Variants in GRIK4 observed in about 807,000 individuals in gnomAD.
GRIK4 encodes the protein glutamate receptor ionotropic, kainate 4.
A neutral mutation model predicts 104.9 loss-of-function variants in GRIK4; 40 were observed. That is an observed-to-expected ratio of 0.38 (90% CI 0.30 to 0.50). GRIK4 has a LOEUF of 0.50. GRIK4 is among the 20% of genes least tolerant of loss of function. GRIK4 has a pLI of 0.93. For missense variants in GRIK4, 1,047 were observed against 1,308.1 expected (o/e 0.80, Z 3.08); for synonymous variants, 485 against 524.9 (o/e 0.92, Z 1.04).
In GRIK4 at chr11:120,527,430, C is replaced by T. The variant is rs115322191; in HGVS notation, c.-159+15543C>T. Among the ~76,000 whole-genome samples the T allele has an allele frequency of 6.0e-3, 920 of 152,258 alleles. 10 individuals carry two copies. Among genetic ancestry groups the T allele is most frequent in the African/African-American group, 0.021 (873 of 41,554 alleles). The stretch of plus-strand genomic sequence containing the variant: ...AAAACCCCTCAGGGCAGACCCCTGC[C>T]GGTGAGAGAGGGAGCATGGCAATGC... On this transcript the variant is annotated intron_variant, in intron 1 of 20. Transcript: ENST00000527524.
chr11:120,578,659 C>T (rs548290534), intron 1 of GRIK4, among the ~76,000 whole-genome samples: 9 of 152,310 alleles, frequency 5.9e-5, no homozygotes, highest in Admixed American at 3.3e-4. Context: ...AATTGGATTC[C>T]GAATCCCAAC....
intron 3 of GRIK4, among the ~76,000 whole-genome samples, chr11:120,797,433 T>C (rs988084673): frequency 3.3e-5 from 5 of 152,282 alleles, no homozygotes; most frequent in African/African-American, 1.2e-4. Context: ...TCTCCTTCAT[T>C]CATCTGGTCT....
intron 19 of GRIK4, among the ~76,000 whole-genome samples, chr11:120,968,168 T>C (rs1944416397): frequency 6.6e-6 from 1 of 152,168 alleles, no homozygotes; most frequent in Non-Finnish European, 1.5e-5. Flanking sequence ...CTTACTGAGA[T>C]GTATGGCTAA....
chr11:120,636,462 A>G (rs551815710), intron 1 of GRIK4, among the ~76,000 whole-genome samples: 4 of 152,346 alleles, frequency 2.6e-5, no homozygotes, highest in Non-Finnish European at 5.9e-5. Flanking sequence ...AGTTTTGCCC[A>G]GGGCTTCTCT....
intron 5 of GRIK4, among the ~76,000 whole-genome samples, chr11:120,817,228 A>G (rs1213429647): frequency 6.6e-6 from 1 of 151,624 alleles, no homozygotes; most frequent in Non-Finnish European, 1.5e-5. Flanking sequence ...TTTGGGGTTC[A>G]GTGGCTATTT....
intron 1 of GRIK4, among the ~76,000 whole-genome samples, chr11:120,603,936 C>T (rs1041548809): frequency 1.5e-4 from 22 of 151,532 alleles, no homozygotes; most frequent in African/African-American, 5.1e-4. Flanking sequence ...TTTGGGAGGC[C>T]GAGGAAGGCG....
intron 2 of GRIK4, among the ~76,000 whole-genome samples, chr11:120,659,798 G>A (rs898331673): frequency 2.0e-5 from 3 of 152,188 alleles, no homozygotes; most frequent in African/African-American, 4.8e-5. Context: ...GGCGAATAGC[G>A]CAACCTCGGC....
intron 3 of GRIK4, among the ~76,000 whole-genome samples, chr11:120,708,927 C>T (rs1452968672): frequency 6.6e-6 from 1 of 152,028 alleles, no homozygotes; most frequent in Non-Finnish European, 1.5e-5. Context: ...TTTCGATGGG[C>T]CAGAGCATAA....
In GRIK4 at chr11:120,940,573, AT is replaced by A. The variant is rs1216008131; in HGVS notation, c.1590+114del. Reference sequence around the variant, plus strand: ...GAAATATTTAGATTTCAAGACTTAAATGCAAATGTGCTGGGCTATTTTTTCT... The same window carrying A: ...GAAATATTTAGATTTCAAGACTTAAAGCAAATGTGCTGGGCTATTTTTTCT... On this transcript the variant is annotated intron_variant, in intron 14 of 20. Coordinates refer to ENST00000527524, the MANE Select transcript of GRIK4 (RefSeq NM_014619.5). This position sits in a 1 kb window ranked among gnomAD's most constrained non-coding sequence, Gnocchi z 4.3. 3.0e-6 allele frequency: 2 copies of A among 674,168 alleles called. No individual in the cohort carries two copies. Among genetic ancestry groups the A allele is most frequent in the Non-Finnish European group, 5.1e-6 (2 of 395,554 alleles). 41.8% of individuals were successfully genotyped at this position (674,168 alleles called of 1,614,324 possible). A position where few individuals can be genotyped will look rare whatever the true frequency, so the allele number is the denominator to read the frequency against.
At chr11:120,706,087 C>T (rs1950624907) in intron 3 of GRIK4, among the ~76,000 whole-genome samples, 1 of 152,136 alleles carries the variant, frequency 6.6e-6, no homozygotes, top group African/African-American at 2.4e-5. Context: ...CCCTGGACAG[C>T]CACCATGACC....
At chr11:120,568,154 G>A (rs1310541668) in intron 1 of GRIK4, among the ~76,000 whole-genome samples, 1 of 152,076 alleles carries the variant, frequency 6.6e-6, no homozygotes, top group Non-Finnish European at 1.5e-5. Context: ...CTCCAGCCTG[G>A]GTGACAGAAC....
At chr11:120,843,273 C>T (rs567155722) in intron 8 of GRIK4, among the ~76,000 whole-genome samples, 10 of 152,358 alleles carry the variant, frequency 6.6e-5, no homozygotes, top group South Asian at 2.1e-4. Context: ...TCGGCACCGC[C>T]GCTGTGCTGG....
intron 3 of GRIK4, among the ~76,000 whole-genome samples, chr11:120,770,736 G>A (rs1455178785): frequency 6.6e-6 from 1 of 152,218 alleles, no homozygotes; most frequent in African/African-American, 2.4e-5. Flanking sequence ...ATTAGGAGGT[G>A]AGGACTTTGG....
chr11:120,659,380 C>A (rs1253662866), intron 2 of GRIK4, among the ~76,000 whole-genome samples: 2 of 152,166 alleles, frequency 1.3e-5, no homozygotes, highest in African/African-American at 2.4e-5. Flanking sequence ...AGGAATGGAC[C>A]GCTCCCATCT....
chr11:120,862,642 C>T (rs549185556), intron 9 of GRIK4, among the ~76,000 whole-genome samples: 203 of 152,246 alleles, frequency 1.3e-3, no homozygotes, highest in African/African-American at 4.8e-3. Flanking sequence ...CGTCACGGCT[C>T]ATCCAGAATG....
At chr11:120,870,328 T>C (rs550501539) in intron 9 of GRIK4, 1 of 152,310 alleles carries the variant, frequency 6.6e-6, no homozygotes, top group African/African-American at 2.4e-5. Flanking sequence ...CAATGGCTAA[T>C]GGCTGTTAAC....
At chr11:120,907,372 A>G (rs1361926426) in intron 13 of GRIK4, among the ~76,000 whole-genome samples, 1 of 152,148 alleles carries the variant, frequency 6.6e-6, no homozygotes, top group Non-Finnish European at 1.5e-5. Flanking sequence ...CTGGAGGACA[A>G]GGAGAGGAGT....
chr11:120,565,854 C>T (rs925874166), intron 1 of GRIK4, among the ~76,000 whole-genome samples: 1 of 152,164 alleles, frequency 6.6e-6, no homozygotes, highest in Non-Finnish European at 1.5e-5. Context: ...TGGACAAAAC[C>T]ATCTTTTCCT....
intron 13 of GRIK4, among the ~76,000 whole-genome samples, chr11:120,911,670 C>T (rs374485426): frequency 9.3e-4 from 140 of 150,012 alleles, no homozygotes; most frequent in African/African-American, 3.2e-3. Context: ...GGTGAAACCC[C>T]GTCTCTACTA....
Sources: allele counts gnomAD v4.1 joint callset (sites outside exome capture counted in the v4.1 genomes callset), GRCh38; gene constraint gnomAD v4.1.1; non-coding constraint Gnocchi (gnomAD v3.1); transcripts MANE v1.5; gene names NCBI Gene and HGNC (gene_info 2026-07-23, HGNC 2026-07-21).